Variants in MARK1 observed in about 807,000 individuals in gnomAD.
MARK1 encodes the protein microtubule affinity regulating kinase 1, also known as serine/threonine-protein kinase MARK1.
Under a neutral mutation model 96.3 loss-of-function variants are expected in MARK1, and 40 were observed. That is an observed-to-expected ratio of 0.42 (90% CI 0.32 to 0.54). MARK1 has a LOEUF of 0.54. Ranked by LOEUF, MARK1 falls within the 20% of genes least tolerant of loss-of-function variation. The pLI is 0.16. For synonymous variants in MARK1, 317 were observed against 341.2 expected (o/e 0.93, Z 0.78); for missense variants, 719 against 984.6 (o/e 0.73, Z 3.61).
intron 9 of MARK1, among the ~76,000 whole-genome samples, chr1:220,621,286 T>TA (rs1248138084): frequency 6.6e-6 from 1 of 152,090 alleles, no homozygotes; most frequent in Non-Finnish European, 1.5e-5. Flanking sequence ...TTGTTTTTGA[T>TA]AAAAAACAAT....
chr1:220,604,612 C>G (rs550582109), intron 6 of MARK1, among the ~76,000 whole-genome samples: 2 of 151,476 alleles, frequency 1.3e-5, no homozygotes, highest in South Asian at 4.2e-4. Context: ...TTATTTTAAC[C>G]AAGTAGGCAA....
In MARK1 at chr1:220,576,485, T is replaced by A. The variant is rs568209287; in HGVS notation, c.52-2869T>A. Among the ~76,000 whole-genome samples the A allele has an allele frequency of 4.0e-5, 6 of 151,566 alleles. No homozygotes were observed. The South Asian group carries it at 1.3e-3, about 32-fold the overall frequency. The stretch of plus-strand genomic sequence containing the variant: ...TGGGAAAGTATGCCCCCACCCTCAG[T>A]GGGAGGGTCCTGGAAAAGTTACATG... On this transcript the variant is annotated intron_variant, in intron 1 of 17. Transcript: ENST00000366917.
intron 1 of MARK1, among the ~76,000 whole-genome samples, chr1:220,537,882 CTTCTT>C (rs1219879652): frequency 6.6e-6 from 1 of 151,462 alleles, no homozygotes; most frequent in Non-Finnish European, 1.5e-5. Context: ...GCATAAATGT[CTTCTT>C]TTGAGAAGTG....
intron 1 of MARK1, among the ~76,000 whole-genome samples, chr1:220,575,995 T>TCTTC (rs1663804635): frequency 9.3e-6 from 1 of 107,302 alleles, no homozygotes; most frequent in African/African-American, 3.0e-5. Flanking sequence ...AGCTCCTTTT[T>TCTTC]TTTTCTTCTC....
chr1:220,645,394 A>G (rs1311230332), intron 13 of MARK1, among the ~76,000 whole-genome samples: 6 of 152,216 alleles, frequency 3.9e-5, no homozygotes, highest in Admixed American at 3.3e-4. Context: ...TAGACCAATA[A>G]CAAGTTCTTA....
At chr1:220,581,806 A>C (rs1490656995) in intron 3 of MARK1, among the ~76,000 whole-genome samples, 5 of 152,226 alleles carry the variant, frequency 3.3e-5, no homozygotes, top group African/African-American at 4.8e-5. Flanking sequence ...TAGCAAACCA[A>C]AGCTGTTTCA....
intron 9 of MARK1, among the ~76,000 whole-genome samples, chr1:220,623,575 A>G (rs1667160941): frequency 6.6e-6 from 1 of 152,204 alleles, no homozygotes; most frequent in African/African-American, 2.4e-5. Context: ...GGCTAGAATA[A>G]TAATAATAAA....
intron 13 of MARK1, among the ~76,000 whole-genome samples, chr1:220,644,459 C>G (rs373282144): frequency 8.0e-5 from 11 of 137,690 alleles, no homozygotes; most frequent in African/African-American, 2.3e-4. Flanking sequence ...ACCCCCCCCC[C>G]CCCACACACA....
intron 13 of MARK1, among the ~76,000 whole-genome samples, chr1:220,645,641 T>C (rs1024570295): frequency 6.6e-6 from 1 of 152,154 alleles, no homozygotes; most frequent in Non-Finnish European, 1.5e-5. Flanking sequence ...TGAACATCGA[T>C]GCAAAAATCC....
Position 220,618,228 on chromosome 1 carries a change from G to A in MARK1, c.553-82G>A, listed in dbSNP as rs1666864146. On this transcript the variant is annotated intron_variant, in intron 7 of 17. Coordinates refer to ENST00000366917, the MANE Select transcript of MARK1 (RefSeq NM_018650.5). This position sits in a 1 kb window ranked among gnomAD's most constrained non-coding sequence, Gnocchi z 4.6. The stretch of plus-strand genomic sequence containing the variant: ...GAAATGAGGGGCAAGAGATATGTAA[G>A]TTTGGAAGCTAAAACTCTTTTACAA... The A allele has an allele frequency of 1.1e-6, 1 of 883,732 alleles. No individual in the cohort carries two copies. The highest frequency in any genetic ancestry group is 1.8e-6 in the Non-Finnish European group (1 of 558,904). The allele number at this position is 883,732 out of a possible 1,614,324, so 54.7% of individuals were successfully genotyped here. A position where few individuals can be genotyped will look rare whatever the true frequency, so the allele number is the denominator to read the frequency against.
intron 1 of MARK1, among the ~76,000 whole-genome samples, chr1:220,574,440 T>C (rs1205424263): frequency 2.0e-5 from 3 of 152,222 alleles, no homozygotes; most frequent in Admixed American, 6.5e-5. Flanking sequence ...TCTCTCTCAC[T>C]TTCCAGCCAT....
intron 3 of MARK1, among the ~76,000 whole-genome samples, chr1:220,595,356 G>A (rs528449584): frequency 1.7e-4 from 26 of 152,284 alleles, no homozygotes; most frequent in Non-Finnish European, 3.4e-4. Flanking sequence ...TCAGTAGCAC[G>A]CTAATAGCTA....
intron 3 of MARK1, among the ~76,000 whole-genome samples, chr1:220,584,364 A>G (rs940744057): frequency 1.3e-5 from 2 of 152,242 alleles, no homozygotes; most frequent in African/African-American, 2.4e-5. Flanking sequence ...TATATAATAG[A>G]TGACTGCTGC....
intron 9 of MARK1, among the ~76,000 whole-genome samples, chr1:220,625,336 T>G (rs1195038149): frequency 1.3e-5 from 2 of 152,220 alleles, no homozygotes; most frequent in African/African-American, 2.4e-5. Context: ...TTTACAAATA[T>G]GTACTGACCA....
At chr1:220,649,245 A>G (rs1241973865) in intron 13 of MARK1, among the ~76,000 whole-genome samples, 4 of 143,958 alleles carry the variant, frequency 2.8e-5, no homozygotes. Context: ...TTTTTGGGGG[A>G]CAGGATTTCA....
At chr1:220,626,833 AAG>A in intron 9 of MARK1, 2 of 381,756 alleles carry the variant, frequency 5.2e-6, no homozygotes, top group Non-Finnish European at 1.0e-5. Flanking sequence ...AAAAAAAAAA[AAG>A]GGTTGAGGGG....
intron 13 of MARK1, among the ~76,000 whole-genome samples, chr1:220,641,352 C>T (rs1049189689): frequency 1.3e-5 from 2 of 152,058 alleles, no homozygotes; most frequent in African/African-American, 4.8e-5. Flanking sequence ...AGTGCCCTTA[C>T]AAAAGAGGCC....
At chr1:220,656,669 G>A (rs1035514353) in intron 16 of MARK1, among the ~76,000 whole-genome samples, 5 of 152,058 alleles carry the variant, frequency 3.3e-5, no homozygotes, top group Middle Eastern at 6.8e-3. Context: ...TTGTATAGAT[G>A]GCATTGAATT....
intron 3 of MARK1, among the ~76,000 whole-genome samples, chr1:220,582,141 G>A (rs1047613760): frequency 9.9e-5 from 15 of 152,176 alleles, no homozygotes; most frequent in African/African-American, 3.6e-4. Flanking sequence ...CTCAGTCCCA[G>A]ATTTCTTCTT....
Sources: allele counts gnomAD v4.1 joint callset (sites outside exome capture counted in the v4.1 genomes callset), GRCh38; gene constraint gnomAD v4.1.1; non-coding constraint Gnocchi (gnomAD v3.1); transcripts MANE v1.5; gene names NCBI Gene and HGNC (gene_info 2026-07-23, HGNC 2026-07-21).